The following SYT9 variants were observed in gnomAD, a reference collection of about 807,000 sequenced individuals.
The protein encoded by SYT9 is synaptotagmin 9.
A neutral mutation model predicts 48.4 loss-of-function variants in SYT9; 22 were observed. The ratio of observed to expected loss-of-function variants is 0.45; its 90% CI spans 0.32 to 0.65. The LOEUF is 0.65. Among genes scored for constraint, SYT9 ranks in the 30% least tolerant of loss-of-function variants. The pLI is 0.03. For missense variants in SYT9, 577 were observed against 622.0 expected, an observed-to-expected ratio of 0.93 and a Z score of 0.77; for synonymous variants, 265 against 245.0, an observed-to-expected ratio of 1.08 and a Z score of -0.76.
In SYT9 at chr11:7,420,564, G is replaced by A; in HGVS notation, c.1396G>A (p.Gly466Ser). The change falls in exon 6 of 7, where the codon GGC (glycine) becomes AGC (serine). Residue 466 changes from glycine (G) to serine (S), a missense_variant. Gly to Ser is a moderately conservative substitution (Grantham distance 56). Coordinates refer to ENST00000318881, the MANE Select transcript of SYT9 (RefSeq NM_175733.4). ...AGTAGGCAACGAGGCTGAGAGGCTG[G>A]GCAGAGACCACTGGAGTGAAATGTT... Reference protein sequence around the residue: ...CQVGNEAERLGRDHWSEMLSY... With the variant: ...CQVGNEAERLSRDHWSEMLSY... 1 of 1,614,166 alleles carries A rather than the reference G, an allele frequency of 6.2e-7. No homozygotes were observed. The highest frequency in any genetic ancestry group is 8.5e-7 in the Non-Finnish European group (1 of 1,180,026).
intron 1 of SYT9, among the ~76,000 whole-genome samples, chr11:7,276,494 G>A (rs1176326706): frequency 1.3e-5 from 2 of 152,178 alleles, no homozygotes; most frequent in African/African-American, 2.4e-5. Context: ...AGCATGACAC[G>A]TGAGAATATG....
chr11:7,291,019 CA>C (rs201899769), intron 1 of SYT9, among the ~76,000 whole-genome samples: 1 of 151,490 alleles, frequency 6.6e-6, no homozygotes, highest in African/African-American at 2.4e-5. Context: ...TGAAAGAACC[CA>C]AAAAAAAGAG....
At chr11:7,407,926 G>C (rs1201817832) in intron 3 of SYT9, among the ~76,000 whole-genome samples, 2 of 152,120 alleles carry the variant, frequency 1.3e-5, no homozygotes, top group Admixed American at 1.3e-4. Context: ...TTTGGTTACT[G>C]TAGCCTTTTG....
intron 3 of SYT9, among the ~76,000 whole-genome samples, chr11:7,367,231 G>A (rs959638320): frequency 5.5e-5 from 8 of 145,722 alleles, no homozygotes; most frequent in Admixed American, 3.5e-4. Context: ...ACAGGCGCCC[G>A]CCACTACGCC....
At chr11:7,348,277 T>G (rs1403391624) in intron 3 of SYT9, among the ~76,000 whole-genome samples, 1 of 152,164 alleles carries the variant, frequency 6.6e-6, no homozygotes, top group African/African-American at 2.4e-5. Context: ...TCTCTATTAA[T>G]CTGTTCCCAA....
chr11:7,384,909 G>C (rs1298254088), intron 3 of SYT9, among the ~76,000 whole-genome samples: 1 of 152,004 alleles, frequency 6.6e-6, no homozygotes, highest in East Asian at 1.9e-4. Flanking sequence ...ATCTGTGCTT[G>C]CTCCTCTGTT....
chr11:7,258,264 A>G (rs1420437969), intron 1 of SYT9, among the ~76,000 whole-genome samples: 2 of 152,196 alleles, frequency 1.3e-5, no homozygotes, highest in African/African-American at 2.4e-5. Flanking sequence ...TGGGGGAGCA[A>G]TCTCACTTTT....
chr11:7,316,112 C>T (rs1849239225), intron 3 of SYT9, among the ~76,000 whole-genome samples: 2 of 150,636 alleles, frequency 1.3e-5, no homozygotes. Flanking sequence ...TGAGATTTGC[C>T]ATGATTCTCT....
chr11:7,280,865 G>C (rs1848481599), intron 1 of SYT9, among the ~76,000 whole-genome samples: 1 of 152,322 alleles, frequency 6.6e-6, no homozygotes, highest in South Asian at 2.1e-4. Flanking sequence ...AGTTAAATGA[G>C]TAGGAAATGA....
At chr11:7,445,858 C>G (rs1046920690) in intron 6 of SYT9, among the ~76,000 whole-genome samples, 1 of 152,230 alleles carries the variant, frequency 6.6e-6, no homozygotes, top group Non-Finnish European at 1.5e-5. Flanking sequence ...CTGAGGAAGT[C>G]TCCTCTTTGT....
At chr11:7,383,258 T>G (rs1415646227) in intron 3 of SYT9, among the ~76,000 whole-genome samples, 1 of 152,216 alleles carries the variant, frequency 6.6e-6, no homozygotes, top group East Asian at 1.9e-4. Flanking sequence ...AATGGTTTCT[T>G]GCTGTTGCCT....
At chr11:7,428,887 G>T (rs942520904) in intron 6 of SYT9, among the ~76,000 whole-genome samples, 8 of 152,128 alleles carry the variant, frequency 5.3e-5, no homozygotes, top group African/African-American at 1.9e-4. Flanking sequence ...GAGTCTTGGG[G>T]TGTAAACTGT....
At chr11:7,339,603 A>T (rs2133988153) in intron 3 of SYT9, among the ~76,000 whole-genome samples, 1 of 152,220 alleles carries the variant, frequency 6.6e-6, no homozygotes, top group South Asian at 2.1e-4. Flanking sequence ...TTTCTCCTTT[A>T]CTAGGGAAGC....
chr11:7,409,954 C>G (rs146598190), intron 3 of SYT9, among the ~76,000 whole-genome samples: 1 of 152,032 alleles, frequency 6.6e-6, no homozygotes, highest in African/African-American at 2.4e-5. Context: ...TGTTTGAAAT[C>G]TTTCTACTTT....
chr11:7,256,371 T>C (rs929681646), intron 1 of SYT9, among the ~76,000 whole-genome samples: 6 of 152,140 alleles, frequency 3.9e-5, no homozygotes, highest in Non-Finnish European at 5.9e-5. Context: ...TATGAATCTG[T>C]ATATTAACAG....
At chr11:7,370,070 T>C (rs919492667) in intron 3 of SYT9, among the ~76,000 whole-genome samples, 1 of 151,946 alleles carries the variant, frequency 6.6e-6, no homozygotes, top group Non-Finnish European at 1.5e-5. Flanking sequence ...TCCCCCCAAG[T>C]CCCCAAAGTC....
chr11:7,419,423 T>C (rs1175516604), intron 5 of SYT9, among the ~76,000 whole-genome samples: 3 of 148,310 alleles, frequency 2.0e-5, no homozygotes, highest in East Asian at 3.9e-4. Flanking sequence ...CATACACAAA[T>C]AGGAGAAAAA....
chr11:7,310,306 G>C (rs183969707), intron 2 of SYT9, among the ~76,000 whole-genome samples: 2 of 146,436 alleles, frequency 1.4e-5, no homozygotes, highest in African/African-American at 2.5e-5. Flanking sequence ...GCTAATTTTT[G>C]TATCTCTAGT....
intron 1 of SYT9, among the ~76,000 whole-genome samples, chr11:7,271,159 C>A (rs141181404): frequency 6.6e-6 from 1 of 152,056 alleles, no homozygotes; most frequent in African/African-American, 2.4e-5. Flanking sequence ...ATGGAGAACA[C>A]ATTTTTTCAA....
Sources: allele counts gnomAD v4.1 joint callset (sites outside exome capture counted in the v4.1 genomes callset), GRCh38; gene constraint gnomAD v4.1.1; transcripts MANE v1.5; gene names NCBI Gene and HGNC (gene_info 2026-07-23, HGNC 2026-07-21).